Variants in FAM13C observed in about 807,000 individuals in gnomAD.
FAM13C encodes protein FAM13C.
A neutral mutation model predicts 73.2 loss-of-function variants in FAM13C; 37 were observed. That is an observed-to-expected ratio of 0.51 (90% CI 0.39 to 0.67). The LOEUF is 0.67. Ranked by LOEUF, FAM13C falls within the 30% of genes least tolerant of loss-of-function variation. The pLI is 0.00. For missense variants in FAM13C, 589 were observed against 715.6 expected, an observed-to-expected ratio of 0.82 and a Z score of 2.02; for synonymous variants, 246 against 260.9, an observed-to-expected ratio of 0.94 and a Z score of 0.55.
At chr10:59,362,686 G>T, upstream of FAM13C, 1 of 1,013,142 alleles carries the variant, frequency 9.9e-7, no homozygotes, top group Non-Finnish European at 1.4e-6. Flanking sequence ...AGAGCTGGGC[G>T]GGGCGCGGCG....
chr10:59,295,336 G>A (rs78778705), intron 5 of FAM13C, among the ~76,000 whole-genome samples: 16,908 of 152,194 alleles, frequency 0.11, 1,026 homozygotes, highest in South Asian at 0.18. Flanking sequence ...GGTAGCAAAA[G>A]ACAACATTAT....
chr10:59,361,599 C>A (rs1856422701), intron 1 of FAM13C, among the ~76,000 whole-genome samples: 1 of 149,186 alleles, frequency 6.7e-6, no homozygotes, highest in Non-Finnish European at 1.5e-5. Flanking sequence ...AGATGAAGTA[C>A]ATATTCATAT....
intron 3 of FAM13C, among the ~76,000 whole-genome samples, chr10:59,344,379 C>T (rs1321750933): frequency 6.6e-6 from 1 of 151,192 alleles, no homozygotes; most frequent in Non-Finnish European, 1.5e-5. Flanking sequence ...CCCAGGTTCA[C>T]GCCATTCTCC....
chr10:59,271,173 A>C (rs773641251), intron 6 of FAM13C, among the ~76,000 whole-genome samples: 21 of 152,352 alleles, frequency 1.4e-4, no homozygotes, highest in South Asian at 8.3e-4. Flanking sequence ...GCTTTCTCTT[A>C]CTACTTCTTC....
chr10:59,307,277 GT>G (rs973749084), intron 4 of FAM13C, among the ~76,000 whole-genome samples: 1 of 152,094 alleles, frequency 6.6e-6, no homozygotes, highest in African/African-American at 2.4e-5. Context: ...CACAGATAAG[GT>G]CATGTGGGCA....
chr10:59,287,138 A>G (rs1845676794), intron 5 of FAM13C, among the ~76,000 whole-genome samples: 4 of 151,468 alleles, frequency 2.6e-5, no homozygotes, highest in Admixed American at 6.6e-5. Context: ...GGACTTCGAG[A>G]CCAGCCTGAC....
intron 4 of FAM13C, among the ~76,000 whole-genome samples, chr10:59,318,002 T>A (rs564330579): frequency 6.7e-6 from 1 of 149,896 alleles, no homozygotes; most frequent in South Asian, 2.2e-4. Flanking sequence ...TCATACACAA[T>A]TTCTCTTTAT....
At chr10:59,344,455 T>TTA (rs1427881934) in intron 3 of FAM13C, among the ~76,000 whole-genome samples, 1 of 149,828 alleles carries the variant, frequency 6.7e-6, no homozygotes, top group African/African-American at 2.5e-5. Context: ...ATTTTTTTTT[T>TTA]TTATTTTTAG....
At chr10:59,269,366 C>T (rs1843434527) in intron 7 of FAM13C, among the ~76,000 whole-genome samples, 1 of 151,940 alleles carries the variant, frequency 6.6e-6, no homozygotes, top group Admixed American at 6.6e-5. Context: ...CATAGTTCCT[C>T]AATCCCAAAT....
At chr10:59,343,949 C>CT (rs541994046) in intron 3 of FAM13C, among the ~76,000 whole-genome samples, 23,102 of 145,108 alleles carry the variant, frequency 0.16, 2,069 homozygotes, top group East Asian at 0.32. Flanking sequence ...TAAACTATTT[C>CT]TTTTTTTTTT....
rs1843510868 is a variant in FAM13C, at chr10:59,269,919, G to T, written c.783C>A (p.Pro261=). ...NLDPESAPSP[P]STQQFMMPRS... The stretch of plus-strand genomic sequence containing the variant: ...CTCACATCATAAACTGCTGAGTGCT[G>T]GGTGGAGATGGGGCTGACTCGGGGT... Residue 261 remains proline, a synonymous_variant, in exon 7 of 14, where the codon CCC becomes CCA. Transcript: ENST00000618804. 3.1e-6 allele frequency: 5 copies of T among 1,613,914 alleles called. No individual in the cohort carries two copies. Among genetic ancestry groups the T allele is most frequent in the Non-Finnish European group, 4.2e-6 (5 of 1,179,888 alleles).
intron 4 of FAM13C, among the ~76,000 whole-genome samples, chr10:59,314,759 G>C (rs544882222): frequency 6.6e-6 from 1 of 152,162 alleles, no homozygotes; most frequent in East Asian, 1.9e-4. Context: ...GAGTGCTCTT[G>C]ATAAGAATTC....
chr10:59,338,016 G>A (rs1282693259), intron 3 of FAM13C, among the ~76,000 whole-genome samples: 1 of 152,048 alleles, frequency 6.6e-6, no homozygotes, highest in East Asian at 1.9e-4. Flanking sequence ...TTGTCATAAT[G>A]TATTAGGATA....
intron 4 of FAM13C, among the ~76,000 whole-genome samples, chr10:59,316,255 C>T (rs1849517854): frequency 6.6e-6 from 1 of 152,074 alleles, no homozygotes; most frequent in Admixed American, 6.6e-5. Flanking sequence ...AAATTTATAT[C>T]TTAAGTTTCA....
At position 59,352,429 on chromosome 10, in the gene FAM13C, T is replaced by A; in HGVS notation, c.165A>T (p.Val55=). The A allele has an allele frequency of 1.2e-6, 2 of 1,613,718 alleles. No homozygotes were observed. Among genetic ancestry groups the A allele is most frequent in the Non-Finnish European group, 1.7e-6 (2 of 1,179,912 alleles). ...CCCAAGAGGGCGGCGCGTGCTCTTC[T>A]ACCAGAGCCCCTGCGTCGGGGTAGT... ...KENYPDAGAL[V]EEHAPPSWEP... The change falls in exon 3 of 14, where the codon GTA becomes GTT. Residue 55 remains valine, a synonymous_variant. Coordinates refer to ENST00000618804, the MANE Select transcript of FAM13C (RefSeq NM_198215.4).
At chr10:59,333,791 C>T (rs1251019649) in intron 3 of FAM13C, among the ~76,000 whole-genome samples, 1 of 152,176 alleles carries the variant, frequency 6.6e-6, no homozygotes, top group African/African-American at 2.4e-5. Context: ...AATTTACCAT[C>T]ACAAATATTA....
At chr10:59,254,884 G>A (rs185405004) in intron 10 of FAM13C, among the ~76,000 whole-genome samples, 4 of 152,134 alleles carry the variant, frequency 2.6e-5, no homozygotes, top group Non-Finnish European at 4.4e-5. Context: ...GTGAGCCACC[G>A]TGCCTGGCCA....
intron 4 of FAM13C, among the ~76,000 whole-genome samples, chr10:59,312,757 G>A (rs565420719): frequency 2.6e-5 from 4 of 152,220 alleles, no homozygotes; most frequent in Admixed American, 6.5e-5. Context: ...GATCAGTGTC[G>A]GTCTGAGGAG....
upstream of FAM13C, chr10:59,362,620 G>A (rs1856551424): frequency 6.9e-7 from 1 of 1,444,942 alleles, no homozygotes; most frequent in Non-Finnish European, 9.1e-7. Context: ...CCCCCAGCAG[G>A]GGCCCAGCGG....
Sources: allele counts gnomAD v4.1 joint callset (sites outside exome capture counted in the v4.1 genomes callset), GRCh38; gene constraint gnomAD v4.1.1; transcripts MANE v1.5; gene names NCBI Gene and HGNC (gene_info 2026-07-23, HGNC 2026-07-21).